The following LUZP2 variants were observed in gnomAD, a reference collection of about 807,000 sequenced individuals.
LUZP2 encodes the protein leucine zipper protein 2.
A neutral mutation model predicts 51.6 loss-of-function variants in LUZP2; 52 were observed. That is an observed-to-expected ratio of 1.01 (90% CI 0.81 to 1.27). The LOEUF (loss-of-function observed/expected upper bound fraction) is 1.27. LUZP2 is among the 50% of genes most tolerant of loss of function. The pLI, the probability that LUZP2 is intolerant of heterozygous loss-of-function variation, is 0.00. For synonymous variants in LUZP2, 154 were observed against 137.3 expected (o/e 1.12, Z -0.85); for missense variants, 436 against 395.4 (o/e 1.10, Z -0.87).
At chr11:24,743,171 G>T (rs554826572) in intron 4 of LUZP2, among the ~76,000 whole-genome samples, 1 of 152,008 alleles carries the variant, frequency 6.6e-6, no homozygotes, top group South Asian at 2.1e-4. Context: ...GGCTATGAGG[G>T]CTCTTTTTTG....
chr11:24,507,068 TA>T (rs1279969983), intron 1 of LUZP2, among the ~76,000 whole-genome samples: 2 of 152,098 alleles, frequency 1.3e-5, no homozygotes, highest in Non-Finnish European at 2.9e-5. Context: ...ATAAAGCCTT[TA>T]TTATAAATAC....
At position 24,641,493 on chromosome 11, in the gene LUZP2, A is replaced by T. The variant is rs536420713; in HGVS notation, c.63-87676A>T. On this transcript the variant is annotated intron_variant, in intron 1 of 11. Coordinates refer to ENST00000336930, the MANE Select transcript of LUZP2 (RefSeq NM_001009909.4). ...AAGAAATGTAGTATCTGAGATTTTTAAAATATTACTGTTGAACATCAAAAG... is the reference window on the plus strand; with the variant it reads ...AAGAAATGTAGTATCTGAGATTTTTTAAATATTACTGTTGAACATCAAAAG... Among the ~76,000 whole-genome samples the T allele has an allele frequency of 7.9e-4, 120 of 152,008 alleles. 1 individual carries two copies. Among genetic ancestry groups the T allele is most frequent in the Non-Finnish European group, 1.6e-4 (11 of 68,024 alleles).
In LUZP2 at chr11:24,771,252, C is replaced by A. The variant is rs778224914; in HGVS notation, c.396+7944C>A. 2.0e-5 allele frequency among the ~76,000 whole-genome samples: 3 copies of A among 150,838 alleles called. No homozygotes were observed. In the South Asian group the frequency reaches 6.3e-4, roughly 32 times the overall value. Reference sequence around the variant, plus strand: ...ACCTTTCTTAATAAAGAGTTATAGTCCATGATAACCAGCTTTAGTAGACAG... The same window carrying A: ...ACCTTTCTTAATAAAGAGTTATAGTACATGATAACCAGCTTTAGTAGACAG... On this transcript the variant is annotated intron_variant, in intron 5 of 11. Transcript: ENST00000336930.
chr11:24,766,822 C>T lies in LUZP2; in HGVS notation c.396+3514C>T, dbSNP rs544205137. The stretch of plus-strand genomic sequence containing the variant: ...TGTTGCCCAGGCTACAGGGCAGTGG[C>T]GCGATCTCAGCTCACTGCAACCTCC... On this transcript the variant is annotated intron_variant, in intron 5 of 11. Coordinates refer to ENST00000336930, the MANE Select transcript of LUZP2 (RefSeq NM_001009909.4). Among the ~76,000 whole-genome samples the T allele has an allele frequency of 9.4e-4, 143 of 152,270 alleles. 1 individual carries two copies. In the Middle Eastern group the frequency reaches 0.014, roughly 14 times the overall value.
intron 7 of LUZP2, among the ~76,000 whole-genome samples, chr11:24,945,375 C>G (rs1390146003): frequency 6.6e-6 from 1 of 152,126 alleles, no homozygotes; most frequent in African/African-American, 2.4e-5. Flanking sequence ...ATATTTTCTA[C>G]ATTCTTACAT....
At chr11:24,754,433 C>T (rs551607122) in intron 4 of LUZP2, among the ~76,000 whole-genome samples, 1 of 152,146 alleles carries the variant, frequency 6.6e-6, no homozygotes, top group Non-Finnish European at 1.5e-5. Flanking sequence ...TCTGTAGTGA[C>T]CCATGAGGAG....
rs371562083 is a variant in LUZP2, at chr11:24,541,125, C to T, written c.62+43820C>T. The stretch of plus-strand genomic sequence containing the variant: ...AAAATTAGCCGGGCGTGGTGGTGGG[C>T]GCCTGTAATCCCAGCTACTTGGGAG... On this transcript the variant is annotated intron_variant, in intron 1 of 11. Transcript: ENST00000336930. Among the ~76,000 whole-genome samples the T allele has an allele frequency of 2.6e-3, 391 of 151,636 alleles. 1 individual carries two copies. The highest frequency in any genetic ancestry group is 8.9e-3 in the African/African-American group (368 of 41,380).
chr11:24,696,191 C>T (rs778283273), intron 1 of LUZP2, among the ~76,000 whole-genome samples: 1 of 151,932 alleles, frequency 6.6e-6, no homozygotes, highest in African/African-American at 2.4e-5. Context: ...TTAAAGAAAA[C>T]CAGATTGACT....
intron 1 of LUZP2, among the ~76,000 whole-genome samples, chr11:24,675,520 T>A (rs1856514830): frequency 6.6e-6 from 1 of 152,156 alleles, no homozygotes; most frequent in African/African-American, 2.4e-5. Flanking sequence ...ACTTTCAAAA[T>A]AGAACTGTCA....
chr11:24,682,596 G>A (rs375055469), intron 1 of LUZP2, among the ~76,000 whole-genome samples: 26,323 of 144,872 alleles, frequency 0.18, 2,503 homozygotes, highest in East Asian at 0.32. Flanking sequence ...ATGTGTGTGT[G>A]TGTATATATA....
Position 25,039,630 on chromosome 11 carries a change from C to T in LUZP2, c.766-10408C>T, listed in dbSNP as rs12575879. Reference sequence around the variant, plus strand: ...CTCTGTCTAATACCTGGGGAGATCCCCCTGCCAGCTCACATGTCCATGGGG... The same window carrying T: ...CTCTGTCTAATACCTGGGGAGATCCTCCTGCCAGCTCACATGTCCATGGGG... On this transcript the variant is annotated intron_variant, in intron 9 of 11. Coordinates refer to ENST00000336930, the MANE Select transcript of LUZP2 (RefSeq NM_001009909.4). Among the ~76,000 whole-genome samples the T allele has an allele frequency of 7.8e-3, 1,189 of 152,224 alleles. 33 individuals carry two copies. The East Asian group carries it at 0.099, about 13-fold the overall frequency.
intron 1 of LUZP2, among the ~76,000 whole-genome samples, chr11:24,634,586 TG>T (rs1474642351): frequency 1.3e-5 from 2 of 151,968 alleles, no homozygotes; most frequent in Admixed American, 6.6e-5. Flanking sequence ...CCTAGTGTTT[TG>T]CATTACTGCT....
At chr11:24,567,433 A>G (rs1852282857) in intron 1 of LUZP2, among the ~76,000 whole-genome samples, 1 of 152,000 alleles carries the variant, frequency 6.6e-6, no homozygotes, top group Admixed American at 6.6e-5. Context: ...ATTAATAGAA[A>G]CCTCCCAAAT....
At chr11:25,032,345 A>C (rs1446203) in intron 9 of LUZP2, among the ~76,000 whole-genome samples, 88,170 of 152,016 alleles carry the variant, frequency 0.58, 26,691 homozygotes, top group African/African-American at 0.76. Flanking sequence ...TGGTATGACA[A>C]CAAATTTAGC....
intron 5 of LUZP2, among the ~76,000 whole-genome samples, chr11:24,830,109 G>GGA (rs11439351): frequency 2.0e-5 from 3 of 150,960 alleles, no homozygotes; most frequent in African/African-American, 7.3e-5. Flanking sequence ...TTTTGTCAGA[G>GGA]AAAAAAAAAC....
chr11:25,007,620 C>G (rs1344833084), intron 9 of LUZP2, among the ~76,000 whole-genome samples: 1 of 151,910 alleles, frequency 6.6e-6, no homozygotes, highest in East Asian at 1.9e-4. Context: ...CAAAACAAAA[C>G]AAAACAAAAC....
intron 9 of LUZP2, among the ~76,000 whole-genome samples, chr11:24,984,037 G>C (rs944756010): frequency 2.0e-5 from 3 of 151,628 alleles, no homozygotes; most frequent in Non-Finnish European, 4.4e-5. Flanking sequence ...AATAAATCCT[G>C]AGAGCCAGAA....
At chr11:24,858,662 A>G (rs1173397494) in intron 5 of LUZP2, among the ~76,000 whole-genome samples, 1 of 152,248 alleles carries the variant, frequency 6.6e-6, no homozygotes, top group Non-Finnish European at 1.5e-5. Context: ...TGCCTTCTGA[A>G]TGATAAGTCT....
At chr11:24,783,573 C>A (rs113034296) in intron 5 of LUZP2, among the ~76,000 whole-genome samples, 122 of 151,936 alleles carry the variant, frequency 8.0e-4, no homozygotes, top group African/African-American at 2.8e-3. Context: ...CAAAATGATT[C>A]CTCTGGTATG....
Sources: gnomAD v4.1 joint callset for allele counts (sites outside exome capture counted in the v4.1 genomes callset) on GRCh38, gnomAD v4.1.1 for gene constraint, MANE v1.5 for transcripts, NCBI Gene and HGNC (gene_info 2026-07-23, HGNC 2026-07-21) for gene names.